The following ZDHHC2 variants were observed in gnomAD, a reference collection of about 807,000 sequenced individuals.
ZDHHC2 encodes the protein palmitoyltransferase ZDHHC2.
ZDHHC2 carries 51 observed loss-of-function variants against 55.6 expected under a neutral mutation model. That is an observed-to-expected ratio of 0.92 (90% confidence interval 0.73 to 1.16). ZDHHC2 has a LOEUF of 1.16. Ranked by LOEUF, ZDHHC2 falls within the 50% of genes most tolerant of loss-of-function variation. The pLI is 0.00. For synonymous variants in ZDHHC2, 199 were observed against 152.9 expected, an observed-to-expected ratio of 1.30 and a Z score of -2.22; for missense variants, 491 against 442.4, an observed-to-expected ratio of 1.11 and a Z score of -0.99.
chr8:17,196,779 G>A (rs962667728), intron 4 of ZDHHC2, among the ~76,000 whole-genome samples: 4 of 151,902 alleles, frequency 2.6e-5, no homozygotes, highest in Non-Finnish European at 1.5e-5. Context: ...GGTGGCGCAT[G>A]CCTGTAGTCC....
At chr8:17,213,298 G>A (rs781119251) in intron 10 of ZDHHC2, among the ~76,000 whole-genome samples, 4 of 149,170 alleles carry the variant, frequency 2.7e-5, no homozygotes, top group South Asian at 2.1e-4. Flanking sequence ...CTATCACCCC[G>A]TCTGGAGTGC....
chr8:17,189,468 C>T (rs1256489088), intron 3 of ZDHHC2, among the ~76,000 whole-genome samples: 1 of 152,180 alleles, frequency 6.6e-6, no homozygotes, highest in Non-Finnish European at 1.5e-5. Flanking sequence ...ATCACCAGTG[C>T]CTAAAGCAGT....
intron 6 of ZDHHC2, among the ~76,000 whole-genome samples, chr8:17,198,857 T>C (rs999021838): frequency 2.0e-5 from 3 of 152,220 alleles, no homozygotes; most frequent in Admixed American, 6.5e-5. Flanking sequence ...TACACAGATA[T>C]ACAAATGCAC....
intron 11 of ZDHHC2, among the ~76,000 whole-genome samples, chr8:17,215,567 C>T (rs1363426716): frequency 6.6e-6 from 1 of 152,072 alleles, no homozygotes; most frequent in East Asian, 1.9e-4. Context: ...TCTGCATTGC[C>T]TTTTTTCTGT....
chr8:17,202,625 A>G (rs374984165), intron 6 of ZDHHC2, among the ~76,000 whole-genome samples: 2 of 152,094 alleles, frequency 1.3e-5, no homozygotes, highest in South Asian at 2.1e-4. Flanking sequence ...TATTGAGTCT[A>G]TAAAGCAATA....
At chr8:17,158,134 C>T (rs191015722) in intron 1 of ZDHHC2, among the ~76,000 whole-genome samples, 3 of 152,024 alleles carry the variant, frequency 2.0e-5, no homozygotes, top group East Asian at 3.9e-4. Context: ...AAAGATGAGG[C>T]TGTACAGGCA....
Position 17,222,684 on chromosome 8 carries a change from A to C in ZDHHC2, c.*2463A>C, listed in dbSNP as rs1240737061. On this transcript the variant is annotated 3_prime_UTR_variant, in exon 13 of 13. Transcript: ENST00000262096. ...AATATAATCATGATGCATTCAATGA[A>C]GTTCATATCCATGAATTCACTCCTA... 2.6e-5 allele frequency: 4 copies of C among 151,900 alleles called. No individual in the cohort carries two copies. The allele number at this position is 151,900 out of a possible 1,614,324, so 9.4% of individuals were successfully genotyped here. A position where few individuals can be genotyped will look rare whatever the true frequency, so the allele number is the denominator to read the frequency against.
chr8:17,156,966 C>CA (rs1168736723), intron 1 of ZDHHC2, 113 bp downstream of exon 1: 1 of 1,023,860 alleles, frequency 9.8e-7, no homozygotes, highest in Non-Finnish European at 1.3e-6. Flanking sequence ...CGGGCGCTGC[C>CA]AACCTGCCGC....
At chr8:17,200,923 T>G (rs1806727988) in intron 6 of ZDHHC2, among the ~76,000 whole-genome samples, 1 of 152,198 alleles carries the variant, frequency 6.6e-6, no homozygotes, top group Non-Finnish European at 1.5e-5. Flanking sequence ...CGGCATCCAC[T>G]GTCTCCACCA....
At chr8:17,212,819 A>G (rs771158039) in intron 10 of ZDHHC2, among the ~76,000 whole-genome samples, 6 of 151,342 alleles carry the variant, frequency 4.0e-5, no homozygotes, top group Non-Finnish European at 7.4e-5. Context: ...TCTTTTTTTA[A>G]TGGAGACAGG....
rs1390514762 is a variant in ZDHHC2, at chr8:17,224,162, A to C, written c.*3941A>C. Reference sequence around the variant, plus strand: ...GTTCTTATACCAGCAAAAAGTTCAAATACAATAACCTGGGCAATGCCAACA... The same window carrying C: ...GTTCTTATACCAGCAAAAAGTTCAACTACAATAACCTGGGCAATGCCAACA... On this transcript the variant is annotated 3_prime_UTR_variant, in exon 13 of 13. Coordinates refer to ENST00000262096, the MANE Select transcript of ZDHHC2 (RefSeq NM_016353.5). 6.6e-6 allele frequency: 1 copy of C among 151,756 alleles called. No homozygotes were observed. The highest frequency in any genetic ancestry group is 1.5e-5 in the Non-Finnish European group (1 of 67,708). 9.4% of individuals were successfully genotyped at this position (151,756 alleles called of 1,614,324 possible).
At chr8:17,211,774 A>G (rs1393984079) in intron 10 of ZDHHC2, among the ~76,000 whole-genome samples, 1 of 152,136 alleles carries the variant, frequency 6.6e-6, no homozygotes. Context: ...TCACAGGGAC[A>G]TTCATGGGCA....
At chr8:17,159,980 G>A (rs1740684888) in intron 1 of ZDHHC2, among the ~76,000 whole-genome samples, 1 of 152,100 alleles carries the variant, frequency 6.6e-6, no homozygotes. Context: ...CGTCAAGTAA[G>A]ATAAACTCAA....
At chr8:17,197,489 TA>T in intron 4 of ZDHHC2, 92 bp from the exon 5 acceptor site, 1 of 1,110,472 alleles carries the variant, frequency 9.0e-7, no homozygotes, top group Non-Finnish European at 1.3e-6. Flanking sequence ...ATATGCTTTT[TA>T]AAATTTAAAT....
chr8:17,206,831 T>A (rs929490059), intron 7 of ZDHHC2, among the ~76,000 whole-genome samples: 2 of 152,204 alleles, frequency 1.3e-5, no homozygotes, highest in Non-Finnish European at 2.9e-5. Flanking sequence ...ATGGTAAGAA[T>A]TTCTAAATTG....
intron 11 of ZDHHC2, 142 bp downstream of exon 11, chr8:17,215,491 A>T (rs1161837694): frequency 1.2e-5 from 9 of 743,684 alleles, no homozygotes; most frequent in Admixed American, 8.8e-5. Flanking sequence ...AATTATTTTC[A>T]AAGAACTATT....
chr8:17,156,701 G>A lies in ZDHHC2; in HGVS notation c.-23G>A, dbSNP rs1222518444. On this transcript the variant is annotated 5_prime_UTR_variant, in exon 1 of 13. Coordinates refer to ENST00000262096, the MANE Select transcript of ZDHHC2 (RefSeq NM_016353.5). The stretch of plus-strand genomic sequence containing the variant: ...CAGGCCCGCGGGCGGCGGCGGAGCT[G>A]GGCAGGTGGATGCGGCTGGAAGATG... 3.5e-6 allele frequency: 5 copies of A among 1,431,528 alleles called. No individual in the cohort carries two copies. The highest frequency in any genetic ancestry group is 2.8e-6 in the Non-Finnish European group (3 of 1,087,632). 88.7% of individuals were successfully genotyped at this position (1,431,528 alleles called of 1,614,324 possible). A position where few individuals can be genotyped will look rare whatever the true frequency, so the allele number is the denominator to read the frequency against.
At chr8:17,163,860 A>C (rs973469665) in intron 1 of ZDHHC2, among the ~76,000 whole-genome samples, 43 of 152,236 alleles carry the variant, frequency 2.8e-4, no homozygotes, top group African/African-American at 8.4e-4. Context: ...ACCATTTAGA[A>C]ATACTACAGA....
chr8:17,202,667 A>T lies in ZDHHC2; in HGVS notation c.477-2988A>T, dbSNP rs550529869. Among the ~76,000 whole-genome samples, 146 of 152,084 alleles carry T rather than the reference A, an allele frequency of 9.6e-4. 1 individual carries two copies. Among genetic ancestry groups the T allele is most frequent in the Non-Finnish European group, 1.9e-3 (129 of 68,010 alleles). On this transcript the variant is annotated intron_variant, in intron 6 of 12. Coordinates refer to ENST00000262096, the MANE Select transcript of ZDHHC2 (RefSeq NM_016353.5). ...TAAAATGTCTAGCCAAAAGCTGTCT[A>T]TTGTGAAGACAGTAAGGTATTATTC...
Sources: gnomAD v4.1 joint callset for allele counts (sites outside exome capture counted in the v4.1 genomes callset) on GRCh38, gnomAD v4.1.1 for gene constraint, MANE v1.5 for transcripts, NCBI Gene and HGNC (gene_info 2026-07-23, HGNC 2026-07-21) for gene names.